MMS19: variants seen among roughly 807,000 people sequenced by gnomAD.
MMS19 encodes the protein MMS19 cytosolic iron-sulfur assembly component, also known as MMS19 nucleotide excision repair protein homolog.
Under a neutral mutation model 129.8 loss-of-function variants are expected in MMS19, and 77 were observed. The observed-to-expected ratio is 0.59, with a 90% CI of 0.49 to 0.72. The LOEUF (loss-of-function observed/expected upper bound fraction) is 0.72. Ranked by LOEUF, MMS19 falls within the 30% of genes least tolerant of loss-of-function variation. The probability of loss-of-function intolerance (pLI) is 0.00; values close to 1 mark genes in which losing one functional copy is unlikely to be tolerated. For missense variants in MMS19, 1,168 were observed against 1,266.3 expected, an observed-to-expected ratio of 0.92 and a Z score of 1.18; for synonymous variants, 491 against 502.8, an observed-to-expected ratio of 0.98 and a Z score of 0.31.
At chr10:97,498,780 G>A (rs924977141), upstream of MMS19, 5 of 270,134 alleles carry the variant, frequency 1.9e-5, no homozygotes, top group South Asian at 6.8e-5. Flanking sequence ...GGGTGGTGGC[G>A]GCGGCGCGGG....
chr10:97,458,599 G>A lies in MMS19; in HGVS notation c.*93C>T. 1 of 1,318,070 alleles carries A rather than the reference G, an allele frequency of 7.6e-7. No homozygotes were observed. Among genetic ancestry groups the A allele is most frequent in the Non-Finnish European group, 1.0e-6 (1 of 957,838 alleles). 81.6% of individuals were successfully genotyped at this position (1,318,070 alleles called of 1,614,324 possible). On this transcript the variant is annotated 3_prime_UTR_variant, in exon 31 of 31. Transcript: ENST00000438925. ...GCTGTGTCTGTGGGAAAGGCAGTCA[G>A]AGACCAGTGGTTTCCCTGCTTTGGG...
At chr10:97,464,707 T>C (rs2032980995) in intron 18 of MMS19, among the ~76,000 whole-genome samples, 1 of 152,004 alleles carries the variant, frequency 6.6e-6, no homozygotes, top group South Asian at 2.1e-4. Flanking sequence ...TTTTTTTTTT[T>C]TGGAGACAGG....
At position 97,466,864 on chromosome 10, in the gene MMS19, G is replaced by A. The variant is rs199905822; in HGVS notation, c.1335C>T (p.Cys445=). Residue 445 remains cysteine, a synonymous_variant, in exon 15 of 31, where the codon TGC becomes TGT. Transcript: ENST00000438925. Reference sequence around the variant, plus strand: ...CTGTTAGAGCCATGAATACCAGTGAGCACAGCTGGTCCTTGAAGCCATTCA... The same window carrying A: ...CTGTTAGAGCCATGAATACCAGTGAACACAGCTGGTCCTTGAAGCCATTCA... The part of the protein sequence containing the change: ...RPLNGFKDQL[C]SLVFMALTDP... 9.9e-6 allele frequency: 16 copies of A among 1,613,770 alleles called. No individual in the cohort carries two copies. Among genetic ancestry groups the A allele is most frequent in the African/African-American group, 2.7e-5 (2 of 74,934 alleles).
intron 2 of MMS19, among the ~76,000 whole-genome samples, chr10:97,483,560 TA>T (rs1229966876): frequency 6.6e-6 from 1 of 152,254 alleles, no homozygotes; most frequent in Non-Finnish European, 1.5e-5. Context: ...CTATACCAAT[TA>T]TGAAATACGA....
Position 97,469,122 on chromosome 10 carries a change from C to T in MMS19, c.925-18G>A. ...TGGAACACCTGTCAGGGAGGGATCC[C>T]ATGGCTACTGAGGTGAGCCTGCACC... On this transcript the variant is annotated intron_variant, in intron 11 of 30. Coordinates refer to ENST00000438925, the MANE Select transcript of MMS19 (RefSeq NM_022362.5). 1 of 1,562,034 alleles carries T rather than the reference C, an allele frequency of 6.4e-7. No individual in the cohort carries two copies. The highest frequency in any genetic ancestry group is 8.6e-7 in the Non-Finnish European group (1 of 1,158,900).
Position 97,476,753 on chromosome 10 carries a change from A to G in MMS19, c.623-9T>C, listed in dbSNP as rs756917576. 3 of 1,613,884 alleles carry G rather than the reference A, an allele frequency of 1.9e-6. No homozygotes were observed. The highest frequency in any genetic ancestry group is 2.2e-5 in the South Asian group (2 of 91,046). ...CTCCTCCACAAAGGGTCCTGTGGCA[A>G]CAGAGAAAAAATGAGGTTGGTTTAT... On this transcript the variant is annotated splice_polypyrimidine_tract_variant and intron_variant, in intron 7 of 30. Transcript: ENST00000438925.
At chr10:97,492,098 A>T (rs892268125) in intron 1 of MMS19, among the ~76,000 whole-genome samples, 8 of 148,252 alleles carry the variant, frequency 5.4e-5, no homozygotes, top group South Asian at 2.1e-4. Context: ...AGATCATGCC[A>T]TTGCACTCCA....
At chr10:97,475,458 T>A (rs561447019) in intron 8 of MMS19, among the ~76,000 whole-genome samples, 1 of 152,292 alleles carries the variant, frequency 6.6e-6, no homozygotes, top group Admixed American at 6.5e-5. Context: ...AAGTAAAGGC[T>A]GGGCATGGTG....
chr10:97,482,765 CACAT>C (rs1413307016), intron 2 of MMS19, among the ~76,000 whole-genome samples: 34 of 143,092 alleles, frequency 2.4e-4, no homozygotes, highest in Non-Finnish European at 4.5e-4. Flanking sequence ...CACACACACA[CACAT>C]ATATTTTTTG....
At chr10:97,467,469 C>T (rs1157029892) in intron 14 of MMS19, 36 bp downstream of exon 14, 1 of 1,513,230 alleles carries the variant, frequency 6.6e-7, no homozygotes, top group Non-Finnish European at 9.2e-7. Flanking sequence ...AAGTGTTCAA[C>T]AGTCCCCAGA....
chr10:97,471,552 C>G (rs1035071917), intron 8 of MMS19, among the ~76,000 whole-genome samples: 2 of 151,938 alleles, frequency 1.3e-5, no homozygotes, highest in African/African-American at 4.8e-5. Context: ...ACTCTGTCAC[C>G]CATGCTGGAT....
At chr10:97,460,623 C>T (rs1344086161) in intron 25 of MMS19, 72 bp downstream of exon 25, 11 of 1,269,150 alleles carry the variant, frequency 8.7e-6, no homozygotes, top group Non-Finnish European at 1.2e-5. Flanking sequence ...GGATGGAAGT[C>T]CTTGGGAGGA....
intron 1 of MMS19, among the ~76,000 whole-genome samples, chr10:97,489,633 C>T (rs923922435): frequency 3.3e-5 from 5 of 152,242 alleles, no homozygotes; most frequent in Non-Finnish European, 5.9e-5. Context: ...TGCCAAATTT[C>T]TGTTCCAGGA....
At chr10:97,468,052 G>A (rs935903216) in intron 13 of MMS19, among the ~76,000 whole-genome samples, 200 bp downstream of exon 13, 1 of 151,872 alleles carries the variant, frequency 6.6e-6, no homozygotes, top group Non-Finnish European at 1.5e-5. Context: ...CTGGCTTCAA[G>A]CTATCCTCCT....
intron 1 of MMS19, among the ~76,000 whole-genome samples, chr10:97,495,594 A>G (rs2039642585): frequency 6.6e-6 from 1 of 152,224 alleles, no homozygotes; most frequent in African/African-American, 2.4e-5. Flanking sequence ...TAAGATTGAC[A>G]ATATTAACTT....
At chr10:97,463,758 G>A in intron 19 of MMS19, 100 bp downstream of exon 19, 1 of 1,064,650 alleles carries the variant, frequency 9.4e-7, no homozygotes, top group Non-Finnish European at 1.4e-6. Flanking sequence ...AACCTCTGAT[G>A]GTACAAAATA....
chr10:97,495,019 G>A (rs141768356), intron 1 of MMS19, among the ~76,000 whole-genome samples: 39 of 152,346 alleles, frequency 2.6e-4, no homozygotes, highest in African/African-American at 9.1e-4. Flanking sequence ...TGAGAAATAA[G>A]TGCGTACTAC....
At chr10:97,495,884 C>T (rs1045108535) in intron 1 of MMS19, among the ~76,000 whole-genome samples, 4 of 152,228 alleles carry the variant, frequency 2.6e-5, no homozygotes, top group Non-Finnish European at 5.9e-5. Context: ...CAGGCTCAAG[C>T]GATTCTCCAG....
At chr10:97,461,681 G>A (rs995083910) in intron 22 of MMS19, 59 bp from the exon 23 acceptor site, 5 of 1,573,862 alleles carry the variant, frequency 3.2e-6, no homozygotes, top group East Asian at 2.3e-5. Context: ...AAGAGAACCA[G>A]TACATAGTGG....
Sources: gnomAD v4.1 joint callset for allele counts (sites outside exome capture counted in the v4.1 genomes callset) on GRCh38, gnomAD v4.1.1 for gene constraint, MANE v1.5 for transcripts, NCBI Gene and HGNC (gene_info 2026-07-23, HGNC 2026-07-21) for gene names.